ADAMTS1: variants seen among roughly 807,000 people sequenced by gnomAD.
The protein encoded by ADAMTS1 is A disintegrin and metalloproteinase with thrombospondin motifs 1.
ADAMTS1 carries 19 observed loss-of-function variants against 87.9 expected under a neutral mutation model. The observed-to-expected ratio is 0.22, with a 90% confidence interval of 0.15 to 0.32. ADAMTS1 has a LOEUF of 0.32. ADAMTS1 is among the 10% of genes least tolerant of loss of function. The pLI is 1.00. For missense variants in ADAMTS1, 1,240 were observed against 1,259.1 expected, an observed-to-expected ratio of 0.98 and a Z score of 0.23; for synonymous variants, 542 against 501.8, an observed-to-expected ratio of 1.08 and a Z score of -1.07.
At chr21:26,838,356 T>C in intron 8 of ADAMTS1, 78 bp from the exon 9 acceptor site, 1 of 1,580,260 alleles carries the variant, frequency 6.3e-7, no homozygotes, top group Admixed American at 1.8e-5. Flanking sequence ...ACATTAATCT[T>C]TTATGAGACA....
rs778549478 is a variant in ADAMTS1 at position 26,838,468 on chromosome 21, T to G, written c.2175A>C (p.Lys725Asn). Residue 725 changes from lysine to asparagine, a missense_variant, in exon 8 of 9, where the codon AAA becomes AAC. Lys to Asn is a moderately conservative substitution (Grantham distance 94). Coordinates refer to ENST00000284984, the MANE Select transcript of ADAMTS1 (RefSeq NM_006988.5). ...GVCGGNGSTCKKISGSVTSAK... is the reference protein window; with the variant it reads ...GVCGGNGSTCNKISGSVTSAK... Reference sequence around the variant, plus strand: ...CACTAGTAACTGATCCTGATATTTTTTTACAAGTAGATCCATTTCCCCCGC... The same window carrying G: ...CACTAGTAACTGATCCTGATATTTTGTTACAAGTAGATCCATTTCCCCCGC... The G allele has an allele frequency of 2.5e-6, 4 of 1,614,222 alleles. No homozygotes were observed. The South Asian group carries it at 4.4e-5, about 18-fold the overall frequency.
Position 26,839,981 on chromosome 21 carries a change from C to T in ADAMTS1, c.1746G>A (p.Thr582=), listed in dbSNP as rs763867891. Reference sequence around the variant, plus strand: ...GGACTGGGTTGTCACATTCCCTCATCGTGTACTGGACTCCTCCACCGCACG... The same window carrying T: ...GGACTGGGTTGTCACATTCCCTCATTGTGTACTGGACTCCTCCACCGCACG... ...SRTCGGGVQY[T]MRECDNPVPK... is the part of the protein sequence containing the mutation. Residue 582 remains threonine (T), a synonymous_variant, in exon 6 of 9, where the codon ACG becomes ACA. Transcript: ENST00000284984. The T allele has an allele frequency of 2.7e-5, 44 of 1,613,948 alleles. No homozygotes were observed. Among genetic ancestry groups the T allele is most frequent in the East Asian group, 4.5e-5 (2 of 44,874 alleles).
chr21:26,840,284 G>T lies in ADAMTS1; in HGVS notation c.1657C>A (p.His553Asn). The change falls in exon 5 of 9, where the codon CAT becomes AAT. Residue 553 changes from histidine (H) to asparagine (N), a missense_variant. By Grantham distance (68) the His-to-Asn change is moderately conservative. Around this residue, in one of 3 missense-constraint regions of ADAMTS1, gnomAD observed 317 missense variants for 410.3 expected, o/e 0.77. Coordinates refer to ENST00000284984, the MANE Select transcript of ADAMTS1 (RefSeq NM_006988.5). ...TCAGTAGAAAAACTCACATCAAAATGCTTTCTGTCGGTTTTGTTCACACAC... is the reference window on the plus strand; with the variant it reads ...TCAGTAGAAAAACTCACATCAAAATTCTTTCTGTCGGTTTTGTTCACACAC... ...GKCVNKTDRK[H>N]FDTPFHGSWG... The T allele has an allele frequency of 6.2e-7, 1 of 1,611,878 alleles. No individual in the cohort carries two copies. Among genetic ancestry groups the T allele is most frequent in the South Asian group, 1.1e-5 (1 of 90,964 alleles).
In ADAMTS1 at chr21:26,837,417, G is replaced by T; in HGVS notation, c.*162C>A. ...AAATTTGCAACTGGCAGTTTACTCTGATGATTCAACTCCTTTTCTATCTAC... is the reference window on the plus strand; with the variant it reads ...AAATTTGCAACTGGCAGTTTACTCTTATGATTCAACTCCTTTTCTATCTAC... On this transcript the variant is annotated 3_prime_UTR_variant, in exon 9 of 9. Coordinates refer to ENST00000284984, the MANE Select transcript of ADAMTS1 (RefSeq NM_006988.5). 1 of 637,388 alleles carries T rather than the reference G, an allele frequency of 1.6e-6. No homozygotes were observed. Among genetic ancestry groups the T allele is most frequent in the Non-Finnish European group, 2.7e-6 (1 of 370,392 alleles). The allele number at this position is 637,388 out of a possible 1,614,324, so 39.5% of individuals were successfully genotyped here. A position where few individuals can be genotyped will look rare whatever the true frequency, so the allele number is the denominator to read the frequency against.
chr21:26,841,525 CT>C, intron 3 of ADAMTS1: 1 of 271,120 alleles, frequency 3.7e-6, no homozygotes, highest in Non-Finnish European at 6.9e-6. Flanking sequence ...GCAGCAGGTT[CT>C]TTTTTCCCAA....
chr21:26,840,914 A>G (rs1345031136), intron 4 of ADAMTS1, 84 bp downstream of exon 4: 2 of 1,462,244 alleles, frequency 1.4e-6, no homozygotes, highest in African/African-American at 1.4e-5. Flanking sequence ...AAATAAAAAG[A>G]ACAAAAAGGA....
chr21:26,840,959 G>A, intron 4 of ADAMTS1, 39 bp downstream of exon 4: 1 of 1,587,344 alleles, frequency 6.3e-7, no homozygotes, highest in Non-Finnish European at 8.6e-7. Flanking sequence ...TGCGTGAAAG[G>A]TTGGATGCCA....
rs777548139 is a variant in ADAMTS1 at position 26,844,554 on chromosome 21, C to G, written c.401G>C (p.Ser134Thr). The change falls in exon 1 of 9, where the codon AGC becomes ACC. Residue 134 changes from serine to threonine, a missense_variant. Around this residue, in one of 3 missense-constraint regions of ADAMTS1, gnomAD observed 521 missense variants for 449.7 expected, o/e 1.16. Coordinates refer to ENST00000284984, the MANE Select transcript of ADAMTS1 (RefSeq NM_006988.5). ...GCAGAGGCTGAGGGCGGCAGCCGAG[C>G]TGGGATCGCCATTCACGGTGCCGGA... Reference protein sequence around the residue: ...FYSGTVNGDPSSAAALSLCEG... With the variant: ...FYSGTVNGDPTSAAALSLCEG... The G allele has an allele frequency of 2.5e-6, 4 of 1,609,564 alleles. No individual in the cohort carries two copies. The South Asian group carries it at 3.3e-5, about 13-fold the overall frequency.
intron 1 of ADAMTS1, 92 bp downstream of exon 1, chr21:26,844,133 C>T (rs1985555674): frequency 7.0e-7 from 1 of 1,437,096 alleles, no homozygotes; most frequent in African/African-American, 1.4e-5. Context: ...ATGATCCTGC[C>T]TGCCAGCAGG....
At position 26,837,278 on chromosome 21, in the gene ADAMTS1, G is replaced by A. The variant is rs1364646915; in HGVS notation, c.*301C>T. The A allele has an allele frequency of 3.6e-5, 10 of 277,994 alleles. No homozygotes were observed. Among genetic ancestry groups the A allele is most frequent in the Non-Finnish European group, 6.8e-5 (10 of 147,854 alleles). 17.2% of individuals were successfully genotyped at this position (277,994 alleles called of 1,614,324 possible). A position where few individuals can be genotyped will look rare whatever the true frequency, so the allele number is the denominator to read the frequency against. Reference sequence around the variant, plus strand: ...TCTAACTTTTTTTGACAATTGCTTTGTTTTTTCTAAACTTGTAATAGATGT... The same window carrying A: ...TCTAACTTTTTTTGACAATTGCTTTATTTTTTCTAAACTTGTAATAGATGT... On this transcript the variant is annotated 3_prime_UTR_variant, in exon 9 of 9. Coordinates refer to ENST00000284984, the MANE Select transcript of ADAMTS1 (RefSeq NM_006988.5).
chr21:26,837,772 C>G lies in ADAMTS1; in HGVS notation c.2711G>C (p.Cys904Ser). The G allele has an allele frequency of 6.2e-7, 1 of 1,614,188 alleles. No individual in the cohort carries two copies. Among genetic ancestry groups the G allele is most frequent in the Non-Finnish European group, 8.5e-7 (1 of 1,180,040 alleles). Reference protein sequence around the residue: ...KEVKPASTRPCADHPCPQWQL... With the variant: ...KEVKPASTRPSADHPCPQWQL... ...CCACTGGGGGCAGGGATGGTCTGCA[C>G]AAGGTCTGGTGCTGGCTGGCTTCAC... Residue 904 changes from cysteine (C) to serine (S), a missense_variant, in exon 9 of 9, where the codon TGT becomes TCT. Around this residue, in one of 3 missense-constraint regions of ADAMTS1, gnomAD observed 402 missense variants for 399.1 expected, o/e 1.01. Coordinates refer to ENST00000284984, the MANE Select transcript of ADAMTS1 (RefSeq NM_006988.5).
intron 7 of ADAMTS1, chr21:26,839,298 C>T (rs1985441248): frequency 4.0e-6 from 1 of 250,018 alleles, no homozygotes. Context: ...TATGTGAAGC[C>T]TAGTCGCACA....
Position 26,844,914 on chromosome 21 carries a change from A to G in ADAMTS1, c.41T>C (p.Leu14Pro). 6.6e-7 allele frequency: 1 copy of G among 1,518,562 alleles called. No individual in the cohort carries two copies. Among genetic ancestry groups the G allele is most frequent in the Non-Finnish European group, 8.8e-7 (1 of 1,134,678 alleles). The allele number at this position is 1,518,562 out of a possible 1,614,324, so 94.1% of individuals were successfully genotyped here. A position where few individuals can be genotyped will look rare whatever the true frequency, so the allele number is the denominator to read the frequency against. ...CTCCGCGTTCCCCATGTCGCTGCCCAGCTTGCGCCTTCCGAACCCCTCGGG... is the reference window on the plus strand; with the variant it reads ...CTCCGCGTTCCCCATGTCGCTGCCCGGCTTGCGCCTTCCGAACCCCTCGGG... ...AVPEGFGRRK[L>P]GSDMGNAERA... is the part of the protein sequence containing the mutation. Residue 14 changes from leucine (L) to proline (P), a missense_variant, in exon 1 of 9, where the codon CTG becomes CCG. Coordinates refer to ENST00000284984, the MANE Select transcript of ADAMTS1 (RefSeq NM_006988.5).
intron 2 of ADAMTS1, 44 bp downstream of exon 2, chr21:26,842,295 C>T (rs1451854232): frequency 1.3e-6 from 2 of 1,573,788 alleles, no homozygotes; most frequent in African/African-American, 2.7e-5. Flanking sequence ...ACAACGTAGA[C>T]TCCTAAGAGG....
chr21:26,839,512 A>G (rs1054832694), intron 7 of ADAMTS1, 75 bp downstream of exon 7: 34 of 1,336,080 alleles, frequency 2.5e-5, no homozygotes, highest in Non-Finnish European at 3.3e-5. Context: ...CAAAGAAAGT[A>G]TAACAAAAAT....
At chr21:26,838,770 G>T in intron 7 of ADAMTS1, 156 bp from the exon 8 acceptor site, 1 of 711,142 alleles carries the variant, frequency 1.4e-6, no homozygotes, top group Non-Finnish European at 2.2e-6. Flanking sequence ...CCTTCACTTT[G>T]GCATATTTTT....
At chr21:26,842,049 CT>C (rs35879530) in intron 2 of ADAMTS1, 59 bp from the exon 3 acceptor site, 3 of 1,567,906 alleles carry the variant, frequency 1.9e-6, no homozygotes, top group South Asian at 1.2e-5. Flanking sequence ...TGGGATCTAA[CT>C]TTTTTGGCAG....
At position 26,837,699 on chromosome 21, in the gene ADAMTS1, G is replaced by A; in HGVS notation, c.2784C>T (p.Tyr928=). ...ACAGACACTTCAAGCTTCTTTTTTT[G>A]TAACCCTTCCCACAGGTCTTAGAAC... ...SSCSKTCGKG[Y]KKRSLKCLSH... is the part of the protein sequence containing the mutation. Residue 928 remains tyrosine, a synonymous_variant, in exon 9 of 9, where the codon TAC becomes TAT. Coordinates refer to ENST00000284984, the MANE Select transcript of ADAMTS1 (RefSeq NM_006988.5). The A allele has an allele frequency of 6.2e-7, 1 of 1,614,068 alleles. No homozygotes were observed. Among genetic ancestry groups the A allele is most frequent in the Non-Finnish European group, 8.5e-7 (1 of 1,180,004 alleles).
chr21:26,840,613 AG>A (rs1341605555), intron 4 of ADAMTS1, 51 bp from the exon 5 acceptor site: 2 of 1,573,720 alleles, frequency 1.3e-6, no homozygotes, highest in Non-Finnish European at 8.7e-7. Flanking sequence ...GAGGGCATGA[AG>A]GGGTAGATCC....
Sources: gnomAD v4.1 joint callset for allele counts on GRCh38, gnomAD v4.1.1 for gene constraint, gnomAD v4.1.1 regional missense constraint, MANE v1.5 for transcripts, NCBI Gene and HGNC (gene_info 2026-07-23, HGNC 2026-07-21) for gene names.